Variants in TXN observed in about 807,000 individuals in gnomAD.
The protein encoded by TXN is ADF.
In TXN, 10 loss-of-function variants were observed where a neutral mutation model predicts 16.5. The observed-to-expected ratio is 0.61, with a 90% confidence interval of 0.37 to 1.03. The LOEUF is 1.03. Among genes scored for constraint, TXN ranks in the 50% least tolerant of loss-of-function variants. TXN has a pLI of 0.01. For synonymous variants in TXN, 35 were observed against 39.4 expected (o/e 0.89, Z 0.42); for missense variants, 71 against 122.5 (o/e 0.58, Z 1.98).
chr9:110,245,735 C>T lies in TXN; in HGVS notation c.190-892G>A, dbSNP rs533145507. 2.3e-3 allele frequency among the ~76,000 whole-genome samples: 327 copies of T among 144,158 alleles called. 2 individuals carry two copies. The highest frequency in any genetic ancestry group is 8.0e-3 in the African/African-American group (307 of 38,238). The allele number at this position is 144,158 out of a possible 152,430, so 94.6% of individuals were successfully genotyped here. On this transcript the variant is annotated intron_variant, in intron 3 of 4. Transcript: ENST00000374517. ...CTCAAACTCATGAGCTCAAGTGATC[C>T]ACCTTCCTCGGGCTCCCAAAGTGCT...
Position 110,256,400 on chromosome 9 carries a change from G to A in TXN, c.24+12C>T, listed in dbSNP as rs775237386. ...CGGCGCCGGCACCCTGGCCTTCCCC[G>A]GTAGCGCGTACCTTGCTCTCGATCT... On this transcript the variant is annotated intron_variant, in intron 1 of 4. Coordinates refer to ENST00000374517, the MANE Select transcript of TXN (RefSeq NM_003329.4). This position sits in a 1 kb window ranked among gnomAD's most constrained non-coding sequence, Gnocchi z 4.2. 1.2e-6 allele frequency: 2 copies of A among 1,601,588 alleles called. No homozygotes were observed. The highest frequency in any genetic ancestry group is 1.1e-5 in the South Asian group (1 of 89,562).
chr9:110,252,805 C>T (rs187103304), intron 1 of TXN, among the ~76,000 whole-genome samples: 128 of 152,190 alleles, frequency 8.4e-4, no homozygotes, highest in African/African-American at 2.9e-3. Context: ...CCACCAGTCC[C>T]AGCTAATTTT....
Position 110,252,223 on chromosome 9 carries a change from C to CAAAAAAAAA in TXN, c.25-770_25-762dup, listed in dbSNP as rs377246017. ...TGGGCAATAGACGGAGACTCTGTCG[C>CAAAAAAAAA]AAAAAAAAAAAAAAAAAAAAAAGCT... On this transcript the variant is annotated intron_variant, in intron 1 of 4. Transcript: ENST00000374517. Among the ~76,000 whole-genome samples the CAAAAAAAAA allele has an allele frequency of 1.0e-3, 60 of 58,326 alleles. 3 individuals are homozygous for CAAAAAAAAA. The highest frequency in any genetic ancestry group is 4.2e-3 in the African/African-American group (46 of 10,874). 38.3% of individuals were successfully genotyped at this position (58,326 alleles called of 152,430 possible).
Position 110,252,223 on chromosome 9 carries a change from C to CAAAAAAAAAAAAAAA in TXN, c.25-776_25-762dup, listed in dbSNP as rs377246017. 2.3e-3 allele frequency among the ~76,000 whole-genome samples: 132 copies of CAAAAAAAAAAAAAAA among 58,380 alleles called. 10 individuals are homozygous for CAAAAAAAAAAAAAAA. The highest frequency in any genetic ancestry group is 0.011 in the African/African-American group (120 of 10,880). 38.3% of individuals were successfully genotyped at this position (58,380 alleles called of 152,430 possible). ...TGGGCAATAGACGGAGACTCTGTCGCAAAAAAAAAAAAAAAAAAAAAAGCT... is the reference window on the plus strand; with the variant it reads ...TGGGCAATAGACGGAGACTCTGTCGCAAAAAAAAAAAAAAAAAAAAAAAAAAAAAAAAAAAAAGCT... On this transcript the variant is annotated intron_variant, in intron 1 of 4. Transcript: ENST00000374517.
At position 110,244,856 on chromosome 9, in the gene TXN, G is replaced by C. The variant is rs765847200; in HGVS notation, c.190-13C>G. On this transcript the variant is annotated splice_polypyrimidine_tract_variant and intron_variant, in intron 3 of 4. Transcript: ENST00000374517. ...CTGAAGCAACATCCTGGTAGGGAAA[G>C]TAGCAAAGGGAGAGGATTAAATACA... The C allele has an allele frequency of 6.2e-7, 1 of 1,609,584 alleles. No individual in the cohort carries two copies. The highest frequency in any genetic ancestry group is 8.5e-7 in the Non-Finnish European group (1 of 1,176,190).
At chr9:110,250,309 C>A (rs189266680) in intron 3 of TXN, among the ~76,000 whole-genome samples, 6 of 152,098 alleles carry the variant, frequency 3.9e-5, no homozygotes, top group African/African-American at 1.4e-4. Context: ...TACAACCAAC[C>A]CTGGAATTTC....
Position 110,251,433 on chromosome 9 carries a change from T to C in TXN, c.54A>G (p.Ala18=), listed in dbSNP as rs774562370. Residue 18 remains alanine, a synonymous_variant, in exon 2 of 5, where the codon GCA becomes GCG. Transcript: ENST00000374517. The stretch of plus-strand genomic sequence containing the variant: ...AGTCAACTACTACAAGTTTATCACC[T>C]GCAGCGTCCAAGGCTTCCTGAAAAG... ...KTAFQEALDA[A]GDKLVVVDFS... 19 of 1,612,016 alleles carry C rather than the reference T, an allele frequency of 1.2e-5. No individual in the cohort carries two copies. In the South Asian group the frequency reaches 2.1e-4, roughly 18 times the overall value.
chr9:110,247,528 T>C (rs1837674942), intron 3 of TXN, among the ~76,000 whole-genome samples: 1 of 152,176 alleles, frequency 6.6e-6, no homozygotes, highest in South Asian at 2.1e-4. Flanking sequence ...CACCTAGTGA[T>C]GGGTTAATGT....
chr9:110,245,019 C>A, intron 3 of TXN, 176 bp from the exon 4 acceptor site: 2 of 449,776 alleles, frequency 4.4e-6, no homozygotes, highest in Non-Finnish European at 8.2e-6. Flanking sequence ...TTACAAAAGC[C>A]AAACCGGTTA....
At chr9:110,249,318 A>C (rs1296943990) in intron 3 of TXN, among the ~76,000 whole-genome samples, 5 of 151,748 alleles carry the variant, frequency 3.3e-5, no homozygotes, top group Admixed American at 1.3e-4. Flanking sequence ...AAAAAAAAAA[A>C]AACAACTCTG....
intron 1 of TXN, among the ~76,000 whole-genome samples, chr9:110,253,473 T>C (rs1169611100): frequency 6.6e-6 from 1 of 152,204 alleles, no homozygotes; most frequent in East Asian, 1.9e-4. Context: ...CCAGGCATCC[T>C]TTATTGCAAG....
intron 4 of TXN, among the ~76,000 whole-genome samples, chr9:110,244,563 T>C (rs539362602): frequency 6.6e-6 from 1 of 152,264 alleles, no homozygotes; most frequent in East Asian, 1.9e-4. Context: ...ATGTGCTTTA[T>C]GATATAAATA....
At chr9:110,253,655 C>T (rs963879671) in intron 1 of TXN, among the ~76,000 whole-genome samples, 4 of 151,972 alleles carry the variant, frequency 2.6e-5, no homozygotes, top group Non-Finnish European at 5.9e-5. Flanking sequence ...CAAATTTAAG[C>T]ACAAGTACCT....
chr9:110,253,540 T>G (rs4135182), intron 1 of TXN, among the ~76,000 whole-genome samples: 15,472 of 152,152 alleles, frequency 0.1, 884 homozygotes, highest in East Asian at 0.22. Context: ...TGAATAGACA[T>G]TTTTGTTTTT....
In TXN at chr9:110,252,223, CAAAA is replaced by C. The variant is rs377246017; in HGVS notation, c.25-765_25-762del. ...TGGGCAATAGACGGAGACTCTGTCG[CAAAA>C]AAAAAAAAAAAAAAAAAAGCTATGA... On this transcript the variant is annotated intron_variant, in intron 1 of 4. Transcript: ENST00000374517. 2.6e-3 allele frequency among the ~76,000 whole-genome samples: 149 copies of C among 58,386 alleles called. 1 individual carries two copies. Among genetic ancestry groups the C allele is most frequent in the Non-Finnish European group, 2.8e-3 (96 of 34,348 alleles). 38.3% of individuals were successfully genotyped at this position (58,386 alleles called of 152,430 possible).
chr9:110,255,277 G>A (rs532707812), intron 1 of TXN, among the ~76,000 whole-genome samples: 2 of 152,312 alleles, frequency 1.3e-5, no homozygotes, highest in South Asian at 2.1e-4. Context: ...TCTACCGTTC[G>A]AGCAGTATCA....
chr9:110,248,536 G>A (rs1445481363), intron 3 of TXN, among the ~76,000 whole-genome samples: 3 of 152,172 alleles, frequency 2.0e-5, no homozygotes, highest in African/African-American at 4.8e-5. Flanking sequence ...TCTAGGTTGT[G>A]TAAGTACACT....
intron 1 of TXN, among the ~76,000 whole-genome samples, chr9:110,254,429 A>G (rs1411186240): frequency 1.3e-5 from 2 of 152,156 alleles, no homozygotes; most frequent in Non-Finnish European, 1.5e-5. Flanking sequence ...GGCTGAGGCA[A>G]GAGAATCGCT....
At position 110,256,355 on chromosome 9, in the gene TXN, C is replaced by G; in HGVS notation, c.24+57G>C. ...TCCCCACCTCCCGCCACCGCCTTCC[C>G]CAGTTACAGAGGCCGCGCGCGGCGC... On this transcript the variant is annotated intron_variant, in intron 1 of 4. Transcript: ENST00000374517. This position sits in a 1 kb window ranked among gnomAD's most constrained non-coding sequence, Gnocchi z 4.2. 1 of 1,576,488 alleles carries G rather than the reference C, an allele frequency of 6.3e-7. No homozygotes were observed.
Sources: allele counts gnomAD v4.1 joint callset (sites outside exome capture counted in the v4.1 genomes callset), GRCh38; gene constraint gnomAD v4.1.1; non-coding constraint Gnocchi (gnomAD v3.1); transcripts MANE v1.5; gene names NCBI Gene and HGNC (gene_info 2026-07-23, HGNC 2026-07-21).